KHDC1: variants seen among roughly 807,000 people sequenced by gnomAD.
The protein encoded by KHDC1 is KH domain containing 1.
A neutral mutation model predicts 24.7 loss-of-function variants in KHDC1; 21 were observed. That is an observed-to-expected ratio of 0.85 (90% confidence interval 0.60 to 1.23). The LOEUF (loss-of-function observed/expected upper bound fraction) is 1.23, where lower values mean the gene tolerates loss of function less well. KHDC1 is among the 50% of genes most tolerant of loss of function. The pLI is 0.00. For missense variants in KHDC1, 274 were observed against 298.5 expected (o/e 0.92, Z 0.61); for synonymous variants, 98 against 111.7 (o/e 0.88, Z 0.77).
chr6:73,269,809 C>CCA (rs1562251701), intron 2 of KHDC1: 1 of 152,122 alleles, frequency 6.6e-6, no homozygotes, highest in East Asian at 1.9e-4. Flanking sequence ...ACTCTGCCAC[C>CCA]CAGGCTGGAG....
intron 2 of KHDC1, among the ~76,000 whole-genome samples, chr6:73,289,966 GGC>G (rs199627676): frequency 0.15 from 23,309 of 150,722 alleles, 2,273 homozygotes; most frequent in African/African-American, 0.26. Context: ...CGGGCGCGGT[GGC>G]GGGCGCCTGT....
chr6:73,269,039 G>A (rs13213885), intron 2 of KHDC1: 42,786 of 155,030 alleles, frequency 0.28, 6,578 homozygotes, highest in African/African-American at 0.41. Context: ...GCTAAGGCTC[G>A]GTGAGAAATC....
intron 2 of KHDC1, among the ~76,000 whole-genome samples, chr6:73,280,871 GA>G (rs1223834575): frequency 1.3e-5 from 2 of 151,548 alleles, no homozygotes; most frequent in Non-Finnish European, 2.9e-5. Context: ...ATTTTCCCCA[GA>G]ACTCCCTTCT....
intron 2 of KHDC1, among the ~76,000 whole-genome samples, chr6:73,247,993 G>A (rs546599992): frequency 3.9e-5 from 6 of 152,198 alleles, no homozygotes; most frequent in Non-Finnish European, 7.4e-5. Context: ...GTGGCCCTGG[G>A]AAAACACTAA....
chr6:73,296,347 G>A (rs1017124849), intron 1 of KHDC1, among the ~76,000 whole-genome samples: 1 of 151,670 alleles, frequency 6.6e-6, no homozygotes, highest in African/African-American at 2.4e-5. Context: ...CAGCTACTCA[G>A]GAGGCTGAGG....
chr6:73,278,850 G>T (rs897597496), intron 2 of KHDC1, among the ~76,000 whole-genome samples: 4 of 152,190 alleles, frequency 2.6e-5, no homozygotes, highest in African/African-American at 9.7e-5. Flanking sequence ...CCAAGGATAA[G>T]GGGGCACTAT....
At position 73,305,892 on chromosome 6, in the gene KHDC1, C is replaced by A. The variant is rs1023784717; in HGVS notation, c.163+3660G>T. Among the ~76,000 whole-genome samples the A allele has an allele frequency of 6.6e-5, 10 of 152,256 alleles. No homozygotes were observed. In the East Asian group the frequency reaches 1.9e-3, roughly 29 times the overall value. The stretch of plus-strand genomic sequence containing the variant: ...CAGGATGGTCTTGAACTCCTGACCT[C>A]AAGTGATCTGCCCACCTTGGCCTCC... On this transcript the variant is annotated intron_variant, in intron 1 of 4. Transcript: ENST00000370384.
In KHDC1 at chr6:73,307,847, A is replaced by T. The variant is rs149672415; in HGVS notation, c.163+1705T>A. On this transcript the variant is annotated intron_variant, in intron 1 of 4. Coordinates refer to ENST00000370384, the Ensembl canonical transcript of KHDC1. ...CTTAAAACACGGGTCTCTGTGCCTC[A>T]CCCCCAGAGTTTCTGATTCTGTGGA... 2.7e-3 allele frequency among the ~76,000 whole-genome samples: 407 copies of T among 152,108 alleles called. 5 individuals carry two copies. Among genetic ancestry groups the T allele is most frequent in the African/African-American group, 9.6e-3 (399 of 41,500 alleles).
rs748574780 is a variant in KHDC1 at position 73,275,504 on chromosome 6, G to C, written c.206+16494C>G. 6.8e-4 allele frequency: 114 copies of C among 167,258 alleles called. No individual in the cohort carries two copies. The Middle Eastern group carries it at 0.01, about 15-fold the overall frequency. 10.4% of individuals were successfully genotyped at this position (167,258 alleles called of 1,614,324 possible). ...CCTTTTGCATACTTGCCTCACTGGT[G>C]CAGGTTTAGGCACATTCTGAAACCA... On this transcript the variant is annotated intron_variant, in intron 2 of 4. Transcript: ENST00000370384.
chr6:73,242,295 G>A (rs970745317), intron 3 of KHDC1, 58 bp from the exon 3 acceptor site: 2 of 1,603,362 alleles, frequency 1.2e-6, no homozygotes, highest in Middle Eastern at 1.8e-4. Flanking sequence ...AGGGAATGGG[G>A]AGGTGGCCTT....
In KHDC1 at chr6:73,243,959, G is replaced by T. The variant is rs77419880; in HGVS notation, c.207-1429C>A. 9.1e-3 allele frequency among the ~76,000 whole-genome samples: 1,385 copies of T among 152,238 alleles called. 20 individuals carry two copies. The highest frequency in any genetic ancestry group is 0.031 in the African/African-American group (1,291 of 41,544). On this transcript the variant is annotated intron_variant, in intron 2 of 4. Coordinates refer to ENST00000370384, the Ensembl canonical transcript of KHDC1. ...GACAAATTTTGGACCGCCTTTTCTA[G>T]TAGAAAAGTCATATTATTCCTATTA... is the stretch of plus-strand genomic sequence containing the variant.
intron 2 of KHDC1, among the ~76,000 whole-genome samples, chr6:73,262,552 T>A (rs1766998306): frequency 6.6e-6 from 1 of 151,886 alleles, no homozygotes; most frequent in Non-Finnish European, 1.5e-5. Flanking sequence ...TTTTGAGATG[T>A]GTCAACAAAA....
At chr6:73,279,298 C>T (rs1416483062) in intron 2 of KHDC1, among the ~76,000 whole-genome samples, 1 of 152,114 alleles carries the variant, frequency 6.6e-6, no homozygotes, top group Non-Finnish European at 1.5e-5. Flanking sequence ...AATCCAGCTA[C>T]TTGGGAGCCT....
chr6:73,280,514 CTTTTTTTT>C (rs55832102), intron 2 of KHDC1, among the ~76,000 whole-genome samples: 32 of 117,466 alleles, frequency 2.7e-4, no homozygotes, highest in African/African-American at 9.9e-4. Flanking sequence ...TCTTTAATTT[CTTTTTTTT>C]TTTTTTTTTT....
Position 73,297,480 on chromosome 6 carries a change from C to T in KHDC1, c.164-5440G>A, listed in dbSNP as rs757475738. ...CTGTTGCAATCAATATCCTTGTACA[C>T]GTCAATTCTTACAAGTAGGAGTATA... On this transcript the variant is annotated intron_variant, in intron 1 of 4. Coordinates refer to ENST00000370384, the Ensembl canonical transcript of KHDC1. Among the ~76,000 whole-genome samples the T allele has an allele frequency of 3.9e-5, 6 of 152,040 alleles. No individual in the cohort carries two copies. In the South Asian group the frequency reaches 6.3e-4, roughly 16 times the overall value.
At chr6:73,297,082 G>A (rs576101223) in intron 1 of KHDC1, among the ~76,000 whole-genome samples, 14 of 152,116 alleles carry the variant, frequency 9.2e-5, no homozygotes, top group Admixed American at 7.9e-4. Context: ...TGTACTTTTA[G>A]TAGAGATGAG....
chr6:73,263,623 T>A (rs918611214), intron 2 of KHDC1, among the ~76,000 whole-genome samples: 3 of 91,632 alleles, frequency 3.3e-5, no homozygotes, highest in Non-Finnish European at 4.6e-5. Flanking sequence ...GGGGGGGGGG[T>A]GACCCAGGCC....
chr6:73,293,292 A>G, intron 1 of KHDC1: 1 of 582,182 alleles, frequency 1.7e-6, no homozygotes, highest in Non-Finnish European at 3.2e-6. Flanking sequence ...ACATAAGGAA[A>G]AGATTTTAAA....
At chr6:73,274,500 C>G (rs965454327) in intron 2 of KHDC1, 1 of 152,182 alleles carries the variant, frequency 6.6e-6, no homozygotes, top group Non-Finnish European at 1.5e-5. Context: ...AAGGGCAAGA[C>G]CAGGTGGAAG....
Sources: gnomAD v4.1 joint callset for allele counts (sites outside exome capture counted in the v4.1 genomes callset) on GRCh38, gnomAD v4.1.1 for gene constraint, MANE v1.5 for transcripts, NCBI Gene and HGNC (gene_info 2026-07-23, HGNC 2026-07-21) for gene names.